KLK1: variants seen among roughly 807,000 people sequenced by gnomAD.
KLK1 encodes the protein kallikrein-1.
A neutral mutation model predicts 23.3 loss-of-function variants in KLK1; 22 were observed. The ratio of observed to expected loss-of-function variants is 0.95; its 90% CI spans 0.68 to 1.35. KLK1 has a LOEUF of 1.35. KLK1 is among the 40% of genes most tolerant of loss of function. The pLI, the probability that KLK1 is intolerant of heterozygous loss-of-function variation, is 0.00. For synonymous variants in KLK1, 140 were observed against 135.8 expected, an observed-to-expected ratio of 1.03 and a Z score of -0.21; for missense variants, 301 against 338.9, an observed-to-expected ratio of 0.89 and a Z score of 0.88.
chr19:50,823,705 G>A lies in KLK1; in HGVS notation c.44C>T (p.Thr15Ile). Residue 15 changes from threonine to isoleucine, a missense_variant and splice_region_variant, in exon 1 of 5, where the codon ACT becomes ATT. By Grantham distance (89) the Thr-to-Ile change is moderately conservative. Transcript: ENST00000301420. ...CCCACATCCCCCCACTGTCTCACCAGTCCCCCCCAGGGACAGGGCGAGGCA... is the reference window on the plus strand; with the variant it reads ...CCCACATCCCCCCACTGTCTCACCAATCCCCCCCAGGGACAGGGCGAGGCA... ...VLCLALSLGG[T>I]GAAPPIQSRI... 6.2e-7 allele frequency: 1 copy of A among 1,602,186 alleles called. No individual in the cohort carries two copies. Among genetic ancestry groups the A allele is most frequent in the Non-Finnish European group, 8.5e-7 (1 of 1,170,582 alleles).
In KLK1 at chr19:50,820,265, G is replaced by C. The variant is rs1384964726; in HGVS notation, c.385C>G (p.Pro129Ala). ...HDLMLLRLTE[P>A]ADTITDAVKV... ...ACAGCATCTGTGATGGTATCAGCAG[G>C]CTCTGTCAGGCGGAGCAGCATGAGG... Residue 129 changes from proline to alanine, a missense_variant, in exon 3 of 5, where the codon CCT becomes GCT. Physicochemically the swap from Pro to Ala is conservative, Grantham distance 27. Coordinates refer to ENST00000301420, the MANE Select transcript of KLK1 (RefSeq NM_002257.4). The C allele has an allele frequency of 6.2e-7, 1 of 1,614,076 alleles. No homozygotes were observed. The highest frequency in any genetic ancestry group is 8.5e-7 in the Non-Finnish European group (1 of 1,180,018).
chr19:50,821,849 G>A lies in KLK1; in HGVS notation c.69C>T (p.Ser23=). 1 of 1,611,842 alleles carries A rather than the reference G, an allele frequency of 6.2e-7. No homozygotes were observed. The highest frequency in any genetic ancestry group is 8.5e-7 in the Non-Finnish European group (1 of 1,178,802). ...CACACTCCCAGCCTCCCACAATCCG[G>A]GACTGAATCGGGGGCGCAGCACCTG... ...GGTGAAPPIQ[S]RIVGGWECEQ... The change falls in exon 2 of 5, where the codon TCC becomes TCT. Residue 23 remains serine (S), a synonymous_variant. Transcript: ENST00000301420. The surrounding 1 kb of genome is among the most constrained non-coding windows in gnomAD (Gnocchi z 5.6).
rs2123385899 is a variant in KLK1 at position 50,819,218 on chromosome 19, C to T, written c.765G>A (p.Glu255=). 6.2e-7 allele frequency: 1 copy of T among 1,613,866 alleles called. No individual in the cohort carries two copies. The highest frequency in any genetic ancestry group is 2.2e-5 in the East Asian group (1 of 44,878). The change falls in exon 5 of 5, where the codon GAG becomes GAA. Residue 255 remains glutamate, a synonymous_variant. Coordinates refer to ENST00000301420, the MANE Select transcript of KLK1 (RefSeq NM_002257.4). ...VRVLSYVKWI[E]DTIAENS The stretch of plus-strand genomic sequence containing the variant: ...TTCAGGAGTTCTCCGCTATGGTGTC[C>T]TCGATCCACTTCACATAAGACAGCA...
At chr19:50,823,184 G>A (rs1035112222) in intron 1 of KLK1, among the ~76,000 whole-genome samples, 2 of 152,190 alleles carry the variant, frequency 1.3e-5, no homozygotes, top group Non-Finnish European at 2.9e-5. Flanking sequence ...AAGGACTGGG[G>A]AGACCAGATG....
Position 50,820,019 on chromosome 19 carries a change from A to T in KLK1, c.513T>A (p.Asp171Glu). The change falls in exon 4 of 5, where the codon GAT (aspartate) becomes GAA (glutamate). Residue 171 changes from aspartate (D) to glutamate (E), a missense_variant. Asp to Glu is a conservative substitution (Grantham distance 45). Coordinates refer to ENST00000301420, the MANE Select transcript of KLK1 (RefSeq NM_002257.4). Reference protein sequence around the residue: ...IEPENFSFPDDLQCVDLKILP... With the variant: ...IEPENFSFPDELQCVDLKILP... ...GGATTTTGAGGTCCACACACTGGAG[A>T]TCATCTGGAAATGAGACTACGAACC... 1 of 1,614,064 alleles carries T rather than the reference A, an allele frequency of 6.2e-7. No homozygotes were observed. Among genetic ancestry groups the T allele is most frequent in the Non-Finnish European group, 8.5e-7 (1 of 1,180,014 alleles).
chr19:50,820,305 C>T lies in KLK1; in HGVS notation c.345G>A (p.Glu115=), dbSNP rs2089817783. The T allele has an allele frequency of 6.2e-7, 1 of 1,613,900 alleles. No homozygotes were observed. The highest frequency in any genetic ancestry group is 1.3e-5 in the African/African-American group (1 of 74,852). ...LLENHTRQAD[E]DYSHDLMLLR... is the part of the protein sequence containing the mutation. ...GCAGCATGAGGTCGTGGCTGTAGTCCTCGTCTGCTTGGCGGGTGTGGTTCT... is the reference window on the plus strand; with the variant it reads ...GCAGCATGAGGTCGTGGCTGTAGTCTTCGTCTGCTTGGCGGGTGTGGTTCT... Residue 115 remains glutamate, a synonymous_variant, in exon 3 of 5, where the codon GAG becomes GAA. Coordinates refer to ENST00000301420, the MANE Select transcript of KLK1 (RefSeq NM_002257.4).
chr19:50,823,517 G>T (rs983808231), intron 1 of KLK1, among the ~76,000 whole-genome samples, 186 bp downstream of exon 1: 6 of 152,024 alleles, frequency 3.9e-5, no homozygotes, highest in Admixed American at 6.6e-5. Context: ...ATGGAGGAGC[G>T]GGGGTGGAAG....
At chr19:50,822,833 A>G (rs2089836145) in intron 1 of KLK1, 2 of 978,160 alleles carry the variant, frequency 2.0e-6, no homozygotes, top group Non-Finnish European at 1.2e-6. Context: ...TGGGAATGCA[A>G]TGCAGGACCC....
chr19:50,823,543 C>T (rs867153923), intron 1 of KLK1, among the ~76,000 whole-genome samples, 160 bp downstream of exon 1: 7 of 150,458 alleles, frequency 4.7e-5, no homozygotes, highest in South Asian at 4.2e-4. Context: ...GGTGGGGCCG[C>T]GCAAGATAGA....
rs369840221 is a variant in KLK1 at position 50,819,178 on chromosome 19, G to C, written c.*16C>G. 9.4e-6 allele frequency: 15 copies of C among 1,602,802 alleles called. No homozygotes were observed. Among genetic ancestry groups the C allele is most frequent in the Non-Finnish European group, 1.0e-5 (12 of 1,172,020 alleles). On this transcript the variant is annotated 3_prime_UTR_variant, in exon 5 of 5. Coordinates refer to ENST00000301420, the MANE Select transcript of KLK1 (RefSeq NM_002257.4). ...CACATTTGATTTTACTGGGGGTAGG[G>C]GACAGGGCTGGGCGTTCAGGAGTTC...
intron 1 of KLK1, 160 bp from the exon 2 acceptor site, chr19:50,822,031 G>T: frequency 7.1e-7 from 1 of 1,412,244 alleles, no homozygotes; most frequent in South Asian, 1.6e-5. Context: ...GAAGGGGTGG[G>T]ACTCTGGACT....
In KLK1 at chr19:50,821,456, CAG is replaced by C. The variant is rs1398696419; in HGVS notation, c.206+254_206+255del. On this transcript the variant is annotated intron_variant, in intron 2 of 4. Transcript: ENST00000301420. The surrounding 1 kb of genome is among the most constrained non-coding windows in gnomAD (Gnocchi z 5.6). Reference sequence around the variant, plus strand: ...CAGGGGAGATGCAGAGACAAGGAGACAGAGGAGAGAGAGGAAGACAGAGACCA... The same window carrying C: ...CAGGGGAGATGCAGAGACAAGGAGACAGGAGAGAGAGGAAGACAGAGACCA... 6.6e-6 allele frequency among the ~76,000 whole-genome samples: 1 copy of C among 151,978 alleles called. No homozygotes were observed. Among genetic ancestry groups the C allele is most frequent in the Non-Finnish European group, 1.5e-5 (1 of 67,992 alleles).
At position 50,821,801 on chromosome 19, in the gene KLK1, C is replaced by T; in HGVS notation, c.117G>A (p.Gln39=). 6.2e-7 allele frequency: 1 copy of T among 1,613,946 alleles called. No homozygotes were observed. The change falls in exon 2 of 5, where the codon CAG becomes CAA. Residue 39 remains glutamine, a synonymous_variant. Coordinates refer to ENST00000301420, the MANE Select transcript of KLK1 (RefSeq NM_002257.4). This position sits in a 1 kb window ranked among gnomAD's most constrained non-coding sequence, Gnocchi z 5.6. ...WECEQHSQPW[Q]AALYHFSTFQ... Reference sequence around the variant, plus strand: ...AAGTGCTGAAATGGTACAGAGCCGCCTGCCAGGGCTGGGAATGCTGCTCAC... The same window carrying T: ...AAGTGCTGAAATGGTACAGAGCCGCTTGCCAGGGCTGGGAATGCTGCTCAC...
rs1219322241 is a variant in KLK1 at position 50,821,737 on chromosome 19, G to A, written c.181C>T (p.Leu61Phe). The A allele has an allele frequency of 6.2e-7, 1 of 1,613,358 alleles. No individual in the cohort carries two copies. The highest frequency in any genetic ancestry group is 1.7e-5 in the Admixed American group (1 of 59,964). ...TCGCTGATGCAATGAGCAGCTGTGA[G>A]CACCCACTGGCGGTGCACCAGGATG... ...GGILVHRQWV[L>F]TAAHCISDNY... Residue 61 changes from leucine to phenylalanine, a missense_variant, in exon 2 of 5, where the codon CTC (leucine) becomes TTC (phenylalanine). Physicochemically the swap from Leu to Phe is conservative, Grantham distance 22. Transcript: ENST00000301420. This position sits in a 1 kb window ranked among gnomAD's most constrained non-coding sequence, Gnocchi z 5.6.
chr19:50,820,670 C>A (rs2089822223), intron 2 of KLK1: 3 of 440,716 alleles, frequency 6.8e-6, no homozygotes, highest in African/African-American at 2.0e-5. Flanking sequence ...CAAAAAAGAG[C>A]TCAAAAGGAC....
chr19:50,822,818 A>C, intron 1 of KLK1: 1 of 978,492 alleles, frequency 1.0e-6, no homozygotes, highest in African/African-American at 1.7e-5. Flanking sequence ...GGCGCCAAGC[A>C]GCTGTGGGAA....
At chr19:50,820,657 G>C (rs3212829) in intron 2 of KLK1, 17,418 of 471,740 alleles carry the variant, frequency 0.037, 490 homozygotes, top group African/African-American at 0.1. Context: ...TGAAGAGACA[G>C]AGCAAAAAAG....
intron 4 of KLK1, 93 bp from the exon 5 acceptor site, chr19:50,819,442 G>A: frequency 7.8e-7 from 1 of 1,278,658 alleles, no homozygotes; most frequent in Non-Finnish European, 1.1e-6. Flanking sequence ...GGCCTCCAGT[G>A]CCCACTCCCA....
intron 1 of KLK1, chr19:50,822,141 G>A (rs2123390094): frequency 1.7e-6 from 2 of 1,192,924 alleles, no homozygotes; most frequent in South Asian, 6.3e-5. Flanking sequence ...ACAGGAGACA[G>A]TGTCTGGAGC....
Sources: gnomAD v4.1 joint callset for allele counts (sites outside exome capture counted in the v4.1 genomes callset) on GRCh38, gnomAD v4.1.1 for gene constraint, Gnocchi (gnomAD v3.1) non-coding constraint, MANE v1.5 for transcripts, NCBI Gene and HGNC (gene_info 2026-07-23, HGNC 2026-07-21) for gene names.